The following MCTP1 variants were observed in gnomAD, a reference collection of about 807,000 sequenced individuals.
The protein encoded by MCTP1 is multiple C2 and transmembrane domain containing 1, also known as multiple C2 and transmembrane domain-containing protein 1.
MCTP1 carries 69 observed loss-of-function variants against 120.6 expected under a neutral mutation model. The observed-to-expected ratio is 0.57, with a 90% confidence interval of 0.47 to 0.70. The LOEUF is 0.70. Among genes scored for constraint, MCTP1 ranks in the 30% least tolerant of loss-of-function variants. The probability of loss-of-function intolerance (pLI) is 0.00; values close to 1 mark genes in which losing one functional copy is unlikely to be tolerated. For missense variants in MCTP1, 1,203 were observed against 1,248.8 expected, an observed-to-expected ratio of 0.96 and a Z score of 0.55; for synonymous variants, 529 against 493.1, an observed-to-expected ratio of 1.07 and a Z score of -0.96.
intron 12 of MCTP1, among the ~76,000 whole-genome samples, chr5:94,886,726 C>G (rs933806412): frequency 6.6e-6 from 1 of 152,136 alleles, no homozygotes; most frequent in African/African-American, 2.4e-5. Context: ...TGCCTAATAA[C>G]TTGTAGAGGC....
intron 1 of MCTP1, among the ~76,000 whole-genome samples, chr5:95,263,387 C>T (rs1758630765): frequency 6.6e-6 from 1 of 152,136 alleles, no homozygotes; most frequent in Admixed American, 6.5e-5. Flanking sequence ...CATGCACCTC[C>T]ATTCAAAGCT....
chr5:95,071,406 C>T lies in MCTP1; in HGVS notation c.721-53922G>A, dbSNP rs548081330. On this transcript the variant is annotated intron_variant, in intron 1 of 22. Transcript: ENST00000515393. ...CACAAACTTTCAAACAGCGGGGAAA[C>T]AAAAAGTAACTCTACATATCCTTGG... Among the ~76,000 whole-genome samples the T allele has an allele frequency of 1.7e-4, 26 of 152,306 alleles. No homozygotes were observed. In the South Asian group the frequency reaches 5.4e-3, roughly 32 times the overall value.
At chr5:95,060,779 C>T (rs1464754067) in intron 1 of MCTP1, among the ~76,000 whole-genome samples, 1 of 151,988 alleles carries the variant, frequency 6.6e-6, no homozygotes, top group Non-Finnish European at 1.5e-5. Context: ...TGAGAACAGC[C>T]TGGCCAATAT....
At chr5:94,823,934 G>C (rs1014564009) in intron 17 of MCTP1, among the ~76,000 whole-genome samples, 9 of 152,168 alleles carry the variant, frequency 5.9e-5, no homozygotes, top group Non-Finnish European at 1.3e-4. Flanking sequence ...TCAGCTAAAG[G>C]AGTTTTTGGG....
At chr5:94,781,274 T>C (rs1402255964) in intron 18 of MCTP1, among the ~76,000 whole-genome samples, 1 of 152,138 alleles carries the variant, frequency 6.6e-6, no homozygotes, top group Non-Finnish European at 1.5e-5. Context: ...ATATGCCTCC[T>C]CTCTGCAGTA....
At chr5:95,138,592 C>A (rs1165325961) in intron 1 of MCTP1, among the ~76,000 whole-genome samples, 1 of 152,128 alleles carries the variant, frequency 6.6e-6, no homozygotes, top group Non-Finnish European at 1.5e-5. Flanking sequence ...TCTGGAAGGG[C>A]CTCTGAAGAG....
intron 2 of MCTP1, among the ~76,000 whole-genome samples, chr5:94,993,334 C>T (rs1490055207): frequency 6.6e-6 from 1 of 152,110 alleles, no homozygotes; most frequent in South Asian, 2.1e-4. Flanking sequence ...AGCATCTACA[C>T]GTATTCACAG....
chr5:94,870,253 A>G (rs1357244802), intron 16 of MCTP1, among the ~76,000 whole-genome samples, 164 bp downstream of exon 16: 2 of 152,126 alleles, frequency 1.3e-5, no homozygotes, highest in African/African-American at 4.8e-5. Context: ...AGGAAGGAAG[A>G]AAGAATCAGA....
chr5:95,230,228 ATGTG>A (rs745556810), intron 1 of MCTP1, among the ~76,000 whole-genome samples: 2 of 114,656 alleles, frequency 1.7e-5, no homozygotes, highest in East Asian at 4.5e-4. Flanking sequence ...ACATACATAT[ATGTG>A]TGTGTGTATA....
intron 1 of MCTP1, among the ~76,000 whole-genome samples, chr5:95,159,902 T>C (rs1451540718): frequency 1.3e-5 from 2 of 151,998 alleles, no homozygotes; most frequent in Non-Finnish European, 2.9e-5. Context: ...ACCAAGCAGA[T>C]AAGCAGGCAG....
Position 94,718,698 on chromosome 5 carries a change from A to T in MCTP1, c.2611-3812T>A, listed in dbSNP as rs553249699. Among the ~76,000 whole-genome samples, 18 of 152,290 alleles carry T rather than the reference A, an allele frequency of 1.2e-4. 1 individual carries two copies. In the East Asian group the frequency reaches 3.3e-3, roughly 28 times the overall value. ...TAAAAAGTAGGCAAAAGACATGAACAGACACTTCATAAAAGAAGACATTAT... is the reference window on the plus strand; with the variant it reads ...TAAAAAGTAGGCAAAAGACATGAACTGACACTTCATAAAAGAAGACATTAT... On this transcript the variant is annotated intron_variant, in intron 19 of 22. Transcript: ENST00000515393.
At chr5:94,923,528 G>GTATA (rs1206302043) in intron 7 of MCTP1, among the ~76,000 whole-genome samples, 4 of 152,122 alleles carry the variant, frequency 2.6e-5, no homozygotes, top group African/African-American at 9.7e-5. Flanking sequence ...GCACTGATCA[G>GTATA]TATATATCTA....
At chr5:95,219,177 C>T (rs899461328) in intron 1 of MCTP1, among the ~76,000 whole-genome samples, 1 of 151,908 alleles carries the variant, frequency 6.6e-6, no homozygotes, top group Non-Finnish European at 1.5e-5. Context: ...GTCAGGAGAT[C>T]GAGACCATCC....
chr5:94,704,518 CTG>C lies in MCTP1; in HGVS notation c.*2976_*2977del, dbSNP rs973473232. On this transcript the variant is annotated 3_prime_UTR_variant, in exon 23 of 23. Coordinates refer to ENST00000515393, the MANE Select transcript of MCTP1 (RefSeq NM_024717.7). ...TGAGATCAAAGTGGAAAAAAAGCTC[CTG>C]TGGTCCCTAGATAAGCATTTACTTC... is the stretch of plus-strand genomic sequence containing the variant. The C allele has an allele frequency of 6.6e-6, 1 of 151,074 alleles. No individual in the cohort carries two copies. Among genetic ancestry groups the C allele is most frequent in the Non-Finnish European group, 1.5e-5 (1 of 67,542 alleles). 9.4% of individuals were successfully genotyped at this position (151,074 alleles called of 1,614,324 possible).
At chr5:95,158,904 G>C (rs1009581570) in intron 1 of MCTP1, among the ~76,000 whole-genome samples, 4 of 152,160 alleles carry the variant, frequency 2.6e-5, no homozygotes, top group Non-Finnish European at 4.4e-5. Context: ...CTGGGTGATA[G>C]ATCCAGACCT....
rs149674747 is a variant in MCTP1 at position 94,910,204 on chromosome 5, A to G, written c.1522-823T>C. On this transcript the variant is annotated intron_variant, in intron 9 of 22. Coordinates refer to ENST00000515393, the MANE Select transcript of MCTP1 (RefSeq NM_024717.7). ...TGTATGTGTGCATACATATATGTAT[A>G]TATACATATATGTGTATACATATAT... Among the ~76,000 whole-genome samples the G allele has an allele frequency of 1.1e-3, 165 of 151,560 alleles. 1 individual carries two copies. Among genetic ancestry groups the G allele is most frequent in the African/African-American group, 3.6e-3 (148 of 41,390 alleles).
intron 1 of MCTP1, among the ~76,000 whole-genome samples, chr5:95,065,767 T>C (rs958375561): frequency 1.3e-5 from 2 of 152,188 alleles, no homozygotes; most frequent in Middle Eastern, 3.2e-3. Context: ...AAATACAAAA[T>C]ACATGTTTCA....
chr5:94,731,575 T>C (rs999835712), intron 19 of MCTP1, among the ~76,000 whole-genome samples: 6 of 152,218 alleles, frequency 3.9e-5, no homozygotes, highest in African/African-American at 1.4e-4. Flanking sequence ...TGCCTCTGTT[T>C]ATGAATGCTC....
At chr5:95,092,650 AATT>A (rs1305141344) in intron 1 of MCTP1, among the ~76,000 whole-genome samples, 2 of 152,216 alleles carry the variant, frequency 1.3e-5, no homozygotes, top group African/African-American at 4.8e-5. Flanking sequence ...AAACATATAC[AATT>A]ATTATGAGTC....
Sources: gnomAD v4.1 joint callset for allele counts (sites outside exome capture counted in the v4.1 genomes callset) on GRCh38, gnomAD v4.1.1 for gene constraint, MANE v1.5 for transcripts, NCBI Gene and HGNC (gene_info 2026-07-23, HGNC 2026-07-21) for gene names.